Variants in HECTD4 observed in about 807,000 individuals in gnomAD.
HECTD4 encodes HECT domain E3 ubiquitin protein ligase 4, also known as probable E3 ubiquitin-protein ligase HECTD4.
Under a neutral mutation model 471.5 loss-of-function variants are expected in HECTD4, and 114 were observed. The observed-to-expected ratio is 0.24, with a 90% CI of 0.21 to 0.28. The LOEUF (loss-of-function observed/expected upper bound fraction) is 0.28. Ranked by LOEUF, HECTD4 falls within the 10% of genes least tolerant of loss-of-function variation. HECTD4 has a pLI of 1.00. For synonymous variants in HECTD4, 2,012 were observed against 2,256.0 expected (o/e 0.89, Z 3.07); for missense variants, 3,866 against 5,651.5 (o/e 0.68, Z 10.13).
intron 58 of HECTD4, 91 bp from the exon 59 acceptor site, chr12:112,192,856 T>A: frequency 7.9e-7 from 1 of 1,266,814 alleles, no homozygotes; most frequent in Non-Finnish European, 1.1e-6. Context: ...GGACGTTAGA[T>A]GAGAACTGGG....
At position 112,170,392 on chromosome 12, in the gene HECTD4, T is replaced by C. The variant is rs1312693713; in HGVS notation, c.11993A>G (p.Gln3998Arg). 6.2e-7 allele frequency: 1 copy of C among 1,613,910 alleles called. No individual in the cohort carries two copies. The highest frequency in any genetic ancestry group is 1.3e-5 in the African/African-American group (1 of 74,956). Residue 3998 changes from glutamine to arginine, a missense_variant, in exon 69 of 76, where the codon CAG becomes CGG. Gln to Arg is a conservative substitution (Grantham distance 43). This residue lies in a region of HECTD4 where 715 missense variants were observed against 1,087.6 expected (regional missense o/e 0.66). Transcript: ENST00000682272. ...AGGGGCCGCGTGGTCCGCTGTCCTC[T>C]GCACAGTGGCATTCAGCACTCGATT... ...VMNRVLNATV[Q>R]RTADHAAPEI...
At chr12:112,374,514 G>T (rs573823968) in intron 1 of HECTD4, among the ~76,000 whole-genome samples, 1 of 152,218 alleles carries the variant, frequency 6.6e-6, no homozygotes, top group African/African-American at 2.4e-5. Flanking sequence ...CTGAAAGCCT[G>T]TTGGGCCTTT....
At chr12:112,210,787 CTGAT>C (rs973209508) in intron 49 of HECTD4, among the ~76,000 whole-genome samples, 1 of 152,210 alleles carries the variant, frequency 6.6e-6, no homozygotes, top group African/African-American at 2.4e-5. Flanking sequence ...TGACTACTGT[CTGAT>C]TGATTCCTCC....
intron 7 of HECTD4, among the ~76,000 whole-genome samples, chr12:112,305,420 T>C (rs755302682): frequency 1.3e-5 from 2 of 152,208 alleles, no homozygotes; most frequent in Non-Finnish European, 2.9e-5. Context: ...CTTTCTGGAA[T>C]GTTCTTCCCT....
In HECTD4 at chr12:112,355,586, C is replaced by A. The variant is rs147685953; in HGVS notation, c.177+26366G>T. Among the ~76,000 whole-genome samples the A allele has an allele frequency of 2.7e-3, 406 of 151,908 alleles. 6 individuals carry two copies. Among genetic ancestry groups the A allele is most frequent in the African/African-American group, 9.6e-3 (397 of 41,430 alleles). On this transcript the variant is annotated intron_variant, in intron 1 of 75. Transcript: ENST00000682272. ...ACCAGCCTGACCAACATGGAGAAAC[C>A]CCATGTCTACTAAAAATACAAAAAT...
chr12:112,246,970 G>T lies in HECTD4; in HGVS notation c.4444C>A (p.Leu1482Met). 1 of 1,612,184 alleles carries T rather than the reference G, an allele frequency of 6.2e-7. No individual in the cohort carries two copies. The highest frequency in any genetic ancestry group is 8.5e-7 in the Non-Finnish European group (1 of 1,179,850). ...KSLMNRAELL[L>M]HVTIAAQSGL... ...GACTGGGCTGCGATGGTGACATGCA[G>T]CAACAGCTCGGCTCGGTTCATTAAA... Residue 1482 changes from leucine to methionine, a missense_variant, in exon 29 of 76, where the codon CTG (leucine) becomes ATG (methionine). Leu to Met is a conservative substitution (Grantham distance 15, BLOSUM62 2). Transcript: ENST00000682272.
intron 13 of HECTD4, among the ~76,000 whole-genome samples, chr12:112,268,461 AAAAGTTTGCTGAGGC>A (rs2034330180): frequency 6.6e-6 from 1 of 152,196 alleles, no homozygotes; most frequent in African/African-American, 2.4e-5. Flanking sequence ...ATTCCTGTAT[AAAAGTTTGCTGAGGC>A]CAGGCGTGGT....
intron 54 of HECTD4, among the ~76,000 whole-genome samples, chr12:112,202,113 T>C (rs2032445240): frequency 6.6e-6 from 1 of 152,198 alleles, no homozygotes; most frequent in Non-Finnish European, 1.5e-5. Context: ...GAATTTTCCA[T>C]TTGAAAGTTC....
intron 60 of HECTD4, among the ~76,000 whole-genome samples, chr12:112,189,941 CAG>C (rs974846325): frequency 5.3e-5 from 8 of 152,236 alleles, no homozygotes; most frequent in African/African-American, 1.9e-4. Flanking sequence ...TTAGTAGAGA[CAG>C]GGTTTCATCA....
chr12:112,282,997 A>C (rs2034675692), intron 8 of HECTD4, 113 bp downstream of exon 8: 1 of 724,152 alleles, frequency 1.4e-6, no homozygotes, highest in East Asian at 2.8e-5. Flanking sequence ...AGACCAAATA[A>C]AGTCAACTAT....
At chr12:112,232,254 C>G (rs542674112) in intron 38 of HECTD4, among the ~76,000 whole-genome samples, 6 of 152,260 alleles carry the variant, frequency 3.9e-5, no homozygotes, top group Non-Finnish European at 8.8e-5. Flanking sequence ...CCTCAGCCTC[C>G]CAAGTAGCTG....
chr12:112,229,514 T>G (rs2033321953), intron 41 of HECTD4, among the ~76,000 whole-genome samples, 184 bp downstream of exon 41: 1 of 152,258 alleles, frequency 6.6e-6, no homozygotes, highest in Non-Finnish European at 1.5e-5. Context: ...CATTAATATC[T>G]GAATAATGTG....
Position 112,179,471 on chromosome 12 carries a change from T to G in HECTD4, c.10988-74A>C. The G allele has an allele frequency of 7.5e-7, 1 of 1,325,566 alleles. No homozygotes were observed. Among genetic ancestry groups the G allele is most frequent in the Non-Finnish European group, 1.1e-6 (1 of 945,330 alleles). 82.1% of individuals were successfully genotyped at this position (1,325,566 alleles called of 1,614,324 possible). ...GGACAAGCCCTGCGAGCATTCTGTT[T>G]CCAAACACTGTTTGAAAGGGGCAGT... On this transcript the variant is annotated intron_variant, in intron 62 of 75. Coordinates refer to ENST00000682272, the MANE Select transcript of HECTD4 (RefSeq NM_001388303.1). This position sits in a 1 kb window ranked among gnomAD's most constrained non-coding sequence, Gnocchi z 4.3.
chr12:112,162,496 A>G lies in HECTD4; in HGVS notation c.13148T>C (p.Val4383Ala). 1 of 1,614,036 alleles carries G rather than the reference A, an allele frequency of 6.2e-7. No individual in the cohort carries two copies. Reference sequence around the variant, plus strand: ...CTTGATCATGAACATGCAGGTCTCCACGCGGATGTAGCGAGAGTCTGGGGA... The same window carrying G: ...CTTGATCATGAACATGCAGGTCTCCGCGCGGATGTAGCGAGAGTCTGGGGA... ...AGSPDSRYIR[V>A]ETCMFMIKLP... Residue 4383 changes from valine to alanine, a missense_variant, in exon 76 of 76, where the codon GTG becomes GCG. Transcript: ENST00000682272. The surrounding 1 kb of genome is among the most constrained non-coding windows in gnomAD (Gnocchi z 5.2).
intron 7 of HECTD4, chr12:112,302,564 G>A (rs1324264443): frequency 1.3e-5 from 9 of 693,226 alleles, no homozygotes; most frequent in African/African-American, 5.3e-5. Context: ...AAATTCTTAC[G>A]CCTTTTCTCA....
chr12:112,350,503 T>C (rs1038879161), intron 1 of HECTD4, among the ~76,000 whole-genome samples: 1 of 152,184 alleles, frequency 6.6e-6, no homozygotes, highest in African/African-American at 2.4e-5. Flanking sequence ...AAAGTACCCA[T>C]GTTGTTTTTC....
chr12:112,265,341 T>C (rs1314185357), intron 15 of HECTD4, 46 bp from the exon 16 acceptor site: 3 of 1,286,232 alleles, frequency 2.3e-6, no homozygotes, highest in Non-Finnish European at 3.2e-6. Flanking sequence ...TGATGGTTTA[T>C]TCATAAAAGG....
Position 112,192,651 on chromosome 12 carries a change from C to A in HECTD4, c.9201G>T (p.Ala3067=). The A allele has an allele frequency of 6.2e-7, 1 of 1,607,464 alleles. No individual in the cohort carries two copies. The highest frequency in any genetic ancestry group is 8.5e-7 in the Non-Finnish European group (1 of 1,177,368). The change falls in exon 59 of 76, where the codon GCG becomes GCT. Residue 3067 remains alanine (A), a synonymous_variant. Transcript: ENST00000682272. ...GTGCAAGCCCAGTGTTGGCTGGGGA[C>A]GCGTCCCGCGGGTAACAGGCGGCCT... ...LIEAACYPRD[A]SPANTGLAPP...
intron 55 of HECTD4, 98 bp downstream of exon 55, chr12:112,200,540 A>G: frequency 7.6e-7 from 1 of 1,320,388 alleles, no homozygotes; most frequent in South Asian, 1.6e-5. Context: ...GCTTTGAAGG[A>G]AAAACTTTCT....
Sources: allele counts gnomAD v4.1 joint callset (sites outside exome capture counted in the v4.1 genomes callset), GRCh38; gene constraint gnomAD v4.1.1; regional missense constraint gnomAD v4.1.1; non-coding constraint Gnocchi (gnomAD v3.1); transcripts MANE v1.5; gene names NCBI Gene and HGNC (gene_info 2026-07-23, HGNC 2026-07-21).